CCL18: variants seen among roughly 807,000 people sequenced by gnomAD.
CCL18 encodes the protein C-C motif chemokine ligand 18.
A neutral mutation model predicts 8.0 loss-of-function variants in CCL18; 7 were observed. That is an observed-to-expected ratio of 0.87 (90% CI 0.50 to 1.64). The LOEUF (loss-of-function observed/expected upper bound fraction) is 1.64, where lower values mean the gene tolerates loss of function less well. Ranked by LOEUF, CCL18 falls within the 40% of genes most tolerant of loss-of-function variation. CCL18 has a pLI of 0.00. For synonymous variants in CCL18, 35 were observed against 41.3 expected (o/e 0.85, Z 0.59); for missense variants, 95 against 107.8 (o/e 0.88, Z 0.52).
At chr17:36,070,906 C>T in intron 2 of CCL18, 45 bp from the exon 3 acceptor site, 10 of 1,376,710 alleles carry the variant, frequency 7.3e-6, no homozygotes, top group South Asian at 1.2e-5. Flanking sequence ...ACAGGATTCC[C>T]CTGATGAATT....
At chr17:36,066,054 C>T (rs1253744870) in intron 1 of CCL18, among the ~76,000 whole-genome samples, 2 of 152,154 alleles carry the variant, frequency 1.3e-5, no homozygotes, top group African/African-American at 4.8e-5. Flanking sequence ...TGAGTTAGGC[C>T]CCAGTTTTCC....
intron 2 of CCL18, 118 bp from the exon 3 acceptor site, chr17:36,070,833 G>C: frequency 1.2e-6 from 1 of 828,398 alleles, no homozygotes; most frequent in East Asian, 2.4e-5. Flanking sequence ...GAAGTTAAGG[G>C]GAAATTTTAC....
At chr17:36,065,893 A>G (rs778131128) in intron 1 of CCL18, among the ~76,000 whole-genome samples, 1 of 152,158 alleles carries the variant, frequency 6.6e-6, no homozygotes, top group East Asian at 1.9e-4. Context: ...TTGGGTAGGA[A>G]CTTCATTCAG....
intron 1 of CCL18, among the ~76,000 whole-genome samples, chr17:36,069,626 A>C (rs549414781): frequency 6.6e-6 from 1 of 152,292 alleles, no homozygotes; most frequent in South Asian, 2.1e-4. Flanking sequence ...AGTCTCCCCA[A>C]GTTTATATCT....
chr17:36,065,199 C>G (rs879910145), intron 1 of CCL18, among the ~76,000 whole-genome samples: 2 of 152,174 alleles, frequency 1.3e-5, no homozygotes, highest in Non-Finnish European at 2.9e-5. Flanking sequence ...TTACTTTATA[C>G]AGTCAATATT....
intron 1 of CCL18, among the ~76,000 whole-genome samples, chr17:36,068,986 A>G (rs1048511479): frequency 6.6e-6 from 1 of 151,936 alleles, no homozygotes; most frequent in Non-Finnish European, 1.5e-5. Context: ...CAGCGTCCAA[A>G]GAAGCTGAAA....
chr17:36,065,227 A>G (rs75300600), intron 1 of CCL18, among the ~76,000 whole-genome samples: 251 of 152,304 alleles, frequency 1.6e-3, no homozygotes, highest in African/African-American at 5.9e-3. Flanking sequence ...TTTTCATCAC[A>G]TATTTGCTCT....
rs1209522829 is a variant in CCL18 at position 36,071,084 on chromosome 17, A to T, written c.*43A>T. The T allele has an allele frequency of 1.8e-5, 25 of 1,360,662 alleles. No individual in the cohort carries two copies. The highest frequency in any genetic ancestry group is 2.5e-5 in the Non-Finnish European group (24 of 961,302). 84.3% of individuals were successfully genotyped at this position (1,360,662 alleles called of 1,614,324 possible). On this transcript the variant is annotated 3_prime_UTR_variant, in exon 3 of 3. Transcript: ENST00000616054. ...AGGGCCCAGTGAACTTGGTGGGCCC[A>T]GGAGGGAACAGGAGCCTGAGCCAGG...
chr17:36,066,610 T>C (rs7209092), intron 1 of CCL18, among the ~76,000 whole-genome samples: 1,606 of 152,300 alleles, frequency 0.011, 34 homozygotes, highest in African/African-American at 0.036. Context: ...ACTGCTCACT[T>C]GTTGGGGCTG....
chr17:36,067,728 T>C (rs1361973409), intron 1 of CCL18, among the ~76,000 whole-genome samples: 9 of 152,110 alleles, frequency 5.9e-5, no homozygotes, highest in Admixed American at 1.3e-4. Flanking sequence ...TATGTTACAG[T>C]AGTGCATGAC....
chr17:36,068,849 A>C (rs2066850601), intron 1 of CCL18, among the ~76,000 whole-genome samples: 1 of 152,026 alleles, frequency 6.6e-6, no homozygotes, highest in African/African-American at 2.4e-5. Flanking sequence ...CACCTGTTTA[A>C]ATTTATTTAT....
At chr17:36,069,579 A>G (rs2066855229) in intron 1 of CCL18, among the ~76,000 whole-genome samples, 1 of 152,186 alleles carries the variant, frequency 6.6e-6, no homozygotes, top group African/African-American at 2.4e-5. Context: ...CGAACTTAAA[A>G]GTTTAAAAAA....
intron 1 of CCL18, 45 bp from the exon 2 acceptor site, chr17:36,070,402 C>G (rs377712313): frequency 3.9e-4 from 471 of 1,215,888 alleles, no homozygotes; most frequent in Non-Finnish European, 5.2e-4. Flanking sequence ...AGCTGGCTTG[C>G]CTTGTGAACA....
At chr17:36,068,211 C>G (rs1416208431) in intron 1 of CCL18, among the ~76,000 whole-genome samples, 2 of 151,912 alleles carry the variant, frequency 1.3e-5, no homozygotes, top group Non-Finnish European at 2.9e-5. Flanking sequence ...ATCATGACAA[C>G]AGTAATGTCT....
Position 36,071,088 on chromosome 17 carries a change from G to A in CCL18, c.*47G>A. The stretch of plus-strand genomic sequence containing the variant: ...CCCAGTGAACTTGGTGGGCCCAGGA[G>A]GGAACAGGAGCCTGAGCCAGGGCAA... On this transcript the variant is annotated 3_prime_UTR_variant, in exon 3 of 3. Transcript: ENST00000616054. 1.5e-6 allele frequency: 2 copies of A among 1,369,022 alleles called. No individual in the cohort carries two copies. The highest frequency in any genetic ancestry group is 2.1e-6 in the Non-Finnish European group (2 of 968,252). The allele number at this position is 1,369,022 out of a possible 1,614,324, so 84.8% of individuals were successfully genotyped here.
chr17:36,064,804 A>G (rs1158603884), intron 1 of CCL18, among the ~76,000 whole-genome samples: 1 of 152,108 alleles, frequency 6.6e-6, no homozygotes, highest in Admixed American at 6.5e-5. Flanking sequence ...AATCTATTAG[A>G]AAAAAAATTC....
At chr17:36,070,063 G>A (rs1225627379) in intron 1 of CCL18, among the ~76,000 whole-genome samples, 10 of 152,194 alleles carry the variant, frequency 6.6e-5, no homozygotes, top group South Asian at 2.1e-4. Flanking sequence ...GGAGGCCCAC[G>A]GGGATTTTGA....
At chr17:36,066,653 G>C (rs1313577248) in intron 1 of CCL18, among the ~76,000 whole-genome samples, 1 of 152,154 alleles carries the variant, frequency 6.6e-6, no homozygotes, top group African/African-American at 2.4e-5. Context: ...AGTGAGAGAG[G>C]GTGAGATGTT....
At chr17:36,065,962 C>T (rs899420875) in intron 1 of CCL18, among the ~76,000 whole-genome samples, 1 of 152,156 alleles carries the variant, frequency 6.6e-6, no homozygotes, top group African/African-American at 2.4e-5. Flanking sequence ...AGGAGTAGAG[C>T]TTCTCAGGAG....
Sources: gnomAD v4.1 joint callset for allele counts (sites outside exome capture counted in the v4.1 genomes callset) on GRCh38, gnomAD v4.1.1 for gene constraint, MANE v1.5 for transcripts, NCBI Gene and HGNC (gene_info 2026-07-23, HGNC 2026-07-21) for gene names.